Variants in BCAS1 observed in about 807,000 individuals in gnomAD.
BCAS1 encodes the protein brain enriched myelin associated protein 1, also known as breast carcinoma-amplified sequence 1.
In BCAS1, 46 loss-of-function variants were observed where a neutral mutation model predicts 65.4. The observed-to-expected ratio is 0.70, with a 90% CI of 0.55 to 0.90. The LOEUF (loss-of-function observed/expected upper bound fraction) is 0.90, where lower values mean the gene tolerates loss of function less well. Among genes scored for constraint, BCAS1 ranks in the 40% least tolerant of loss-of-function variants. BCAS1 has a pLI of 0.00. For missense variants in BCAS1, 793 were observed against 771.2 expected, an observed-to-expected ratio of 1.03 and a Z score of -0.33; for synonymous variants, 298 against 293.5, an observed-to-expected ratio of 1.02 and a Z score of -0.16.
At chr20:53,991,338 T>C (rs924809822) in intron 7 of BCAS1, among the ~76,000 whole-genome samples, 19 of 152,340 alleles carry the variant, frequency 1.2e-4, no homozygotes, top group Non-Finnish European at 2.4e-4. Context: ...AAAATTATCC[T>C]GTATGGAAAT....
chr20:54,009,225 A>G (rs1261173803), intron 4 of BCAS1, among the ~76,000 whole-genome samples: 2 of 152,226 alleles, frequency 1.3e-5, no homozygotes, highest in Non-Finnish European at 2.9e-5. Flanking sequence ...AAGATATAAA[A>G]ATAACTAAAA....
chr20:53,992,516 T>G lies in BCAS1; in HGVS notation c.1058A>C (p.His353Pro), dbSNP rs1240850450. ...CTACTTTAATAAGATACAGACCTTA[T>G]GCCTAAAGAATTTTCTAAAGGCGAG... ...LGLAFRKFFR[H>P]KGAEKSPTTS... Residue 353 changes from histidine to proline, a missense_variant, in exon 7 of 13, where the codon CAT (histidine) becomes CCT (proline). By Grantham distance (77) the His-to-Pro change is moderately conservative (BLOSUM62 -2). Transcript: ENST00000688948. 5.1e-6 allele frequency: 7 copies of G among 1,366,004 alleles called. No individual in the cohort carries two copies. The highest frequency in any genetic ancestry group is 5.9e-6 in the Non-Finnish European group (6 of 1,021,758). The allele number at this position is 1,366,004 out of a possible 1,614,324, so 84.6% of individuals were successfully genotyped here.
At chr20:53,947,047 A>G (rs1293539537) in intron 12 of BCAS1, among the ~76,000 whole-genome samples, 1 of 152,134 alleles carries the variant, frequency 6.6e-6, no homozygotes, top group Non-Finnish European at 1.5e-5. Context: ...AGTATAGTAT[A>G]TTGTATTTAC....
intron 8 of BCAS1, among the ~76,000 whole-genome samples, chr20:53,977,995 C>T (rs1328923395): frequency 2.0e-5 from 3 of 151,054 alleles, no homozygotes; most frequent in Non-Finnish European, 4.4e-5. Flanking sequence ...CCCACTAACT[C>T]GTCATCTAGC....
chr20:54,013,530 G>A (rs1568877014), intron 4 of BCAS1, among the ~76,000 whole-genome samples: 1 of 152,224 alleles, frequency 6.6e-6, no homozygotes, highest in Non-Finnish European at 1.5e-5. Context: ...GAGTGGCATT[G>A]TGTACCAAAA....
At chr20:54,028,235 G>A (rs1477611383) in intron 4 of BCAS1, 157 bp downstream of exon 4, 11 of 715,380 alleles carry the variant, frequency 1.5e-5, no homozygotes, top group Non-Finnish European at 2.7e-5. Flanking sequence ...GAAACATCAG[G>A]ATGACACTCT....
intron 12 of BCAS1, among the ~76,000 whole-genome samples, chr20:53,949,099 A>T (rs887208012): frequency 2.0e-5 from 3 of 152,160 alleles, no homozygotes; most frequent in African/African-American, 7.2e-5. Flanking sequence ...GGAAAGGGCC[A>T]TCAAAGAAGT....
chr20:54,014,693 C>A (rs1182294359), intron 4 of BCAS1, among the ~76,000 whole-genome samples: 1 of 152,162 alleles, frequency 6.6e-6, no homozygotes, highest in Non-Finnish European at 1.5e-5. Flanking sequence ...ACTCATGACT[C>A]CACTCCTTTC....
Position 53,975,383 on chromosome 20 carries a change from A to G in BCAS1, c.1317+6T>C, listed in dbSNP as rs2090303547. The G allele has an allele frequency of 6.2e-7, 1 of 1,610,894 alleles. No homozygotes were observed. The highest frequency in any genetic ancestry group is 1.3e-5 in the African/African-American group (1 of 74,816). ...GAATGATTCTGCCGTGGTGTGTGTA[A>G]CTTACATTCTCCTCCGCACCTGTGG... is the stretch of plus-strand genomic sequence containing the variant. On this transcript the variant is annotated splice_donor_region_variant and intron_variant, in intron 9 of 12. Coordinates refer to ENST00000688948, the MANE Select transcript of BCAS1 (RefSeq NM_001366298.2).
At chr20:54,062,962 C>T (rs759650124) in intron 1 of BCAS1, among the ~76,000 whole-genome samples, 2 of 152,174 alleles carry the variant, frequency 1.3e-5, no homozygotes, top group Non-Finnish European at 2.9e-5. Context: ...TCAATATTAG[C>T]AGAAATGAAT....
intron 3 of BCAS1, among the ~76,000 whole-genome samples, chr20:54,054,831 T>C (rs1468766032): frequency 1.3e-5 from 2 of 152,242 alleles, no homozygotes; most frequent in African/African-American, 4.8e-5. Context: ...GAGAAACCTA[T>C]TTCCCTCCTT....
At chr20:54,024,785 A>G (rs1343266172) in intron 4 of BCAS1, among the ~76,000 whole-genome samples, 1 of 152,212 alleles carries the variant, frequency 6.6e-6, no homozygotes, top group African/African-American at 2.4e-5. Context: ...CTACTAGGAC[A>G]AAGATAGAGA....
intron 4 of BCAS1, among the ~76,000 whole-genome samples, chr20:54,011,631 A>G (rs1230390459): frequency 6.6e-6 from 1 of 152,234 alleles, no homozygotes; most frequent in African/African-American, 2.4e-5. Context: ...CTCACTTTAC[A>G]ATGTAATCAC....
chr20:54,058,240 G>T, intron 2 of BCAS1, 86 bp from the exon 3 acceptor site: 1 of 1,211,356 alleles, frequency 8.3e-7, no homozygotes, highest in Non-Finnish European at 1.2e-6. Flanking sequence ...ATACAAGGGT[G>T]TCTCACAAAA....
intron 4 of BCAS1, among the ~76,000 whole-genome samples, chr20:54,005,303 A>AAAACAAAACAAAAC (rs141938747): frequency 1.0e-4 from 15 of 148,258 alleles, no homozygotes; most frequent in African/African-American, 3.0e-4. Context: ...GAAACAAAGC[A>AAAACAAAACAAAAC]AAAACAAAAC....
chr20:54,060,214 G>A (rs574292152), intron 1 of BCAS1, among the ~76,000 whole-genome samples: 1 of 152,332 alleles, frequency 6.6e-6, no homozygotes, highest in Non-Finnish European at 1.5e-5. Context: ...AGGACCCAAT[G>A]AGTTAATGCT....
intron 3 of BCAS1, among the ~76,000 whole-genome samples, chr20:54,032,935 G>A (rs114065009): frequency 6.6e-6 from 1 of 150,952 alleles, no homozygotes; most frequent in Non-Finnish European, 1.5e-5. Context: ...AATTAACAAA[G>A]ATATTCAAGA....
Position 54,041,887 on chromosome 20 carries a change from C to T in BCAS1, c.143-12915G>A, listed in dbSNP as rs367940843. Among the ~76,000 whole-genome samples the T allele has an allele frequency of 7.3e-3, 575 of 78,780 alleles. 4 individuals are homozygous for T. In the Middle Eastern group the frequency reaches 0.081, roughly 11 times the overall value. The allele number at this position is 78,780 out of a possible 152,430, so 51.7% of individuals were successfully genotyped here. A position where few individuals can be genotyped will look rare whatever the true frequency, so the allele number is the denominator to read the frequency against. ...GCACTCTAACCTGGGCAACAGAGTT[C>T]AGAGTGAGACTCTGTCTCCCCCAAA... is the stretch of plus-strand genomic sequence containing the variant. On this transcript the variant is annotated intron_variant, in intron 3 of 12. Transcript: ENST00000688948.
intron 1 of BCAS1, among the ~76,000 whole-genome samples, chr20:54,067,672 A>C (rs1174097793): frequency 6.6e-6 from 1 of 152,162 alleles, no homozygotes; most frequent in Non-Finnish European, 1.5e-5. Flanking sequence ...TCCTGGAAAC[A>C]GGCCAAACGC....
Sources: allele counts gnomAD v4.1 joint callset (sites outside exome capture counted in the v4.1 genomes callset), GRCh38; gene constraint gnomAD v4.1.1; transcripts MANE v1.5; gene names NCBI Gene and HGNC (gene_info 2026-07-23, HGNC 2026-07-21).